Variants in COL28A1 observed in about 807,000 individuals in gnomAD.
The protein encoded by COL28A1 is collagen alpha-1(XXVIII) chain.
Under a neutral mutation model 150.2 loss-of-function variants are expected in COL28A1, and 161 were observed. The ratio of observed to expected loss-of-function variants is 1.07; its 90% CI spans 0.94 to 1.22. COL28A1 has a LOEUF of 1.22. Ranked by LOEUF, COL28A1 falls within the 50% of genes most tolerant of loss-of-function variation. The probability of loss-of-function intolerance (pLI) is 0.00; values close to 1 mark genes in which losing one functional copy is unlikely to be tolerated. For synonymous variants in COL28A1, 552 were observed against 469.7 expected (o/e 1.18, Z -2.26); for missense variants, 1,617 against 1,388.3 (o/e 1.16, Z -2.62).
chr7:7,470,985 T>C (rs1244605525), intron 15 of COL28A1, among the ~76,000 whole-genome samples: 1 of 125,350 alleles, frequency 8.0e-6, no homozygotes, highest in East Asian at 2.9e-4. Context: ...GGGGGAGGGA[T>C]AGCACTGGGA....
intron 21 of COL28A1, among the ~76,000 whole-genome samples, chr7:7,438,663 A>T (rs1320674209): frequency 1.4e-5 from 2 of 145,102 alleles, no homozygotes. Flanking sequence ...TTAAAATTTC[A>T]TTTATATAAA....
chr7:7,386,520 A>G (rs564109340), intron 27 of COL28A1, among the ~76,000 whole-genome samples: 1 of 152,228 alleles, frequency 6.6e-6, no homozygotes, highest in African/African-American at 2.4e-5. Context: ...AAGGAGACAC[A>G]GGCTTGGAAA....
intron 27 of COL28A1, among the ~76,000 whole-genome samples, chr7:7,384,150 G>C (rs1402173420): frequency 6.6e-6 from 1 of 152,158 alleles, no homozygotes; most frequent in African/African-American, 2.4e-5. Context: ...ACAGGGGTGA[G>C]ATTACAGAGA....
chr7:7,349,990 A>G, the COL28A1 span, among the ~76,000 whole-genome samples: 3 of 152,174 alleles, frequency 2.0e-5, no homozygotes. Flanking sequence ...ACCTGGAAAT[A>G]TAAGTGACAG....
chr7:7,410,827 AC>A (rs1317678478), intron 27 of COL28A1, among the ~76,000 whole-genome samples: 1 of 152,090 alleles, frequency 6.6e-6, no homozygotes, highest in African/African-American at 2.4e-5. Flanking sequence ...ATACTTTTTA[AC>A]CCTTCTGCAG....
chr7:7,450,100 C>A (rs181762669), intron 18 of COL28A1, among the ~76,000 whole-genome samples: 5 of 152,172 alleles, frequency 3.3e-5, no homozygotes, highest in Non-Finnish European at 7.4e-5. Flanking sequence ...GTAGAATACA[C>A]AGCTCAGGCA....
intron 21 of COL28A1, among the ~76,000 whole-genome samples, chr7:7,440,036 TC>T (rs1785647971): frequency 6.6e-6 from 1 of 152,202 alleles, no homozygotes; most frequent in Non-Finnish European, 1.5e-5. Context: ...ACATGAACTC[TC>T]TTACGTTTGC....
the COL28A1 span, among the ~76,000 whole-genome samples, chr7:7,348,387 AC>A: frequency 6.6e-6 from 1 of 151,982 alleles, no homozygotes; most frequent in Non-Finnish European, 1.5e-5. Context: ...AGACACATTT[AC>A]CCCTAGGTAG....
chr7:7,528,878 T>C (rs915869193), intron 3 of COL28A1, among the ~76,000 whole-genome samples: 1 of 152,192 alleles, frequency 6.6e-6, no homozygotes, highest in African/African-American at 2.4e-5. Flanking sequence ...GTTGTGTACT[T>C]AAATCATACC....
chr7:7,426,912 G>A (rs1048596089), intron 25 of COL28A1, among the ~76,000 whole-genome samples: 3 of 152,180 alleles, frequency 2.0e-5, no homozygotes, highest in South Asian at 2.1e-4. Context: ...AGTGAGAAGA[G>A]CAGGCTGTCT....
At chr7:7,543,405 A>G in the COL28A1 span, among the ~76,000 whole-genome samples, 4 of 152,232 alleles carry the variant, frequency 2.6e-5, no homozygotes, top group African/African-American at 9.6e-5. Flanking sequence ...TTCTTATTCA[A>G]CTGTTACAGA....
chr7:7,483,957 T>C (rs187188466), intron 13 of COL28A1, among the ~76,000 whole-genome samples: 1 of 152,232 alleles, frequency 6.6e-6, no homozygotes, highest in East Asian at 1.9e-4. Context: ...GATAAATTTG[T>C]GGGTTATAAG....
At chr7:7,519,532 A>T (rs1781596337) in intron 6 of COL28A1, among the ~76,000 whole-genome samples, 1 of 152,190 alleles carries the variant, frequency 6.6e-6, no homozygotes, top group African/African-American at 2.4e-5. Context: ...TTGGAACCAA[A>T]ATCCTAACAA....
Position 7,481,293 on chromosome 7 carries a change from GA to G in COL28A1, c.1165-4114del, listed in dbSNP as rs34322158. On this transcript the variant is annotated intron_variant, in intron 13 of 34. Coordinates refer to ENST00000399429, the MANE Select transcript of COL28A1 (RefSeq NM_001037763.3). ...AATGCTCATGGACAGTCTTTTAGGA[GA>G]AAAAAGCAGTGATCCAAAGTGTAAT... Among the ~76,000 whole-genome samples the G allele has an allele frequency of 9.4e-4, 143 of 152,256 alleles. 2 individuals are homozygous for G. In the East Asian group the frequency reaches 0.022, roughly 24 times the overall value.
At chr7:7,465,503 T>A (rs1247939418) in intron 15 of COL28A1, among the ~76,000 whole-genome samples, 1 of 137,114 alleles carries the variant, frequency 7.3e-6, no homozygotes, top group Non-Finnish European at 1.6e-5. Flanking sequence ...GAGATCAAAC[T>A]GCAAGGCGGC....
chr7:7,369,203 A>T (rs753861385), intron 33 of COL28A1, among the ~76,000 whole-genome samples: 8 of 152,162 alleles, frequency 5.3e-5, no homozygotes, highest in Non-Finnish European at 1.0e-4. Context: ...CACAAACAGG[A>T]GAGGCCCCAG....
intron 13 of COL28A1, among the ~76,000 whole-genome samples, chr7:7,483,184 T>C (rs1360630912): frequency 6.6e-6 from 1 of 152,224 alleles, no homozygotes; most frequent in Non-Finnish European, 1.5e-5. Context: ...ACTGAATGCA[T>C]TGCGTTTGCA....
At chr7:7,485,358 A>G (rs1583481471) in intron 13 of COL28A1, among the ~76,000 whole-genome samples, 2 of 152,124 alleles carry the variant, frequency 1.3e-5, no homozygotes, top group South Asian at 2.1e-4. Flanking sequence ...TGTATTCCCA[A>G]TACAAATCCT....
At chr7:7,522,959 T>A (rs1488153326) in intron 4 of COL28A1, among the ~76,000 whole-genome samples, 1 of 151,900 alleles carries the variant, frequency 6.6e-6, no homozygotes, top group African/African-American at 2.4e-5. Context: ...TGATTTAGAG[T>A]CTGATGTGAA....
Sources: gnomAD v4.1 joint callset for allele counts (sites outside exome capture counted in the v4.1 genomes callset) on GRCh38, gnomAD v4.1.1 for gene constraint, MANE v1.5 for transcripts, NCBI Gene and HGNC (gene_info 2026-07-23, HGNC 2026-07-21) for gene names.